The following RNF111 variants were observed in gnomAD, a reference collection of about 807,000 sequenced individuals.
The protein encoded by RNF111 is ring finger protein 111, also known as E3 ubiquitin-protein ligase Arkadia.
RNF111 carries 17 observed loss-of-function variants against 95.1 expected under a neutral mutation model. That is an observed-to-expected ratio of 0.18 (90% CI 0.12 to 0.27). The LOEUF is 0.27. Among genes scored for constraint, RNF111 ranks in the 10% least tolerant of loss-of-function variants. The pLI, the probability that RNF111 is intolerant of heterozygous loss-of-function variation, is 1.00. For missense variants in RNF111, 1,189 were observed against 1,210.4 expected (o/e 0.98, Z 0.26); for synonymous variants, 440 against 414.8 (o/e 1.06, Z -0.74).
chr15:59,058,751 GTAT>G, intron 5 of RNF111: 1 of 532,690 alleles, frequency 1.9e-6, no homozygotes, highest in Non-Finnish European at 3.3e-6. Flanking sequence ...TGTAACCAGA[GTAT>G]TATAGCTCAA....
intron 1 of RNF111, among the ~76,000 whole-genome samples, chr15:59,000,017 A>C (rs79526707): frequency 0.063 from 9,553 of 152,208 alleles, 275 homozygotes; most frequent in Middle Eastern, 0.078. Flanking sequence ...AGTCACCTCC[A>C]GGCAGGCCCC....
intron 1 of RNF111, among the ~76,000 whole-genome samples, chr15:59,017,894 A>G (rs2040146618): frequency 6.6e-6 from 1 of 151,294 alleles, no homozygotes; most frequent in African/African-American, 2.4e-5. Flanking sequence ...AGTAGCTGGG[A>G]TTACAGGCGC....
Position 58,998,841 on chromosome 15 carries a change from T to C in RNF111, c.-20+10773T>C, listed in dbSNP as rs1596032111. Among the ~76,000 whole-genome samples, 3 of 152,358 alleles carry C rather than the reference T, an allele frequency of 2.0e-5. No homozygotes were observed. The East Asian group carries it at 5.8e-4, about 29-fold the overall frequency. ...CAAAATTTATTTTTTTACTGTTACA[T>C]AATGAAATGTGTCATGTTTGAAAGA... On this transcript the variant is annotated intron_variant, in intron 1 of 13. Coordinates refer to ENST00000348370, the MANE Select transcript of RNF111 (RefSeq NM_017610.8).
intron 2 of RNF111, among the ~76,000 whole-genome samples, chr15:59,035,069 C>T (rs1314167867): frequency 6.6e-6 from 1 of 152,140 alleles, no homozygotes; most frequent in Non-Finnish European, 1.5e-5. Context: ...TCTTACATGG[C>T]AGCAGGCAAG....
At chr15:58,990,162 C>T (rs1219012404) in intron 1 of RNF111, among the ~76,000 whole-genome samples, 17 of 152,132 alleles carry the variant, frequency 1.1e-4, no homozygotes. Flanking sequence ...ATTGTTAACC[C>T]TCCTTGGGCT....
chr15:59,055,705 C>G lies in RNF111; in HGVS notation c.1031C>G (p.Ser344Cys). ...AGGTCTCGTTCAACCCTTGGACACT[C>G]CAGATCTCATTGGAGCCAGGGTTCC... is the stretch of plus-strand genomic sequence containing the variant. ...SYRSRSTLGH[S>C]RSHWSQGSSS... Residue 344 changes from serine to cysteine, a missense_variant, in exon 4 of 14, where the codon TCC (serine) becomes TGC (cysteine). Ser to Cys is a moderately radical substitution (Grantham distance 112). This residue lies in a region of RNF111 where 1,024 missense variants were observed against 925.9 expected (regional missense o/e 1.11). Coordinates refer to ENST00000348370, the MANE Select transcript of RNF111 (RefSeq NM_017610.8). 1 of 1,613,780 alleles carries G rather than the reference C, an allele frequency of 6.2e-7. No individual in the cohort carries two copies. Among genetic ancestry groups the G allele is most frequent in the South Asian group, 1.1e-5 (1 of 91,060 alleles).
At chr15:59,090,912 C>A in intron 11 of RNF111, 147 bp from the exon 12 acceptor site, 1 of 500,398 alleles carries the variant, frequency 2.0e-6, no homozygotes, top group Non-Finnish European at 3.6e-6. Flanking sequence ...ATATAAGTAA[C>A]CACTTGTCAT....
rs370533517 is a variant in RNF111 at position 59,096,040 on chromosome 15, C to G, written c.*1140C>G. 9.0e-5 allele frequency: 36 copies of G among 398,664 alleles called. No homozygotes were observed. The highest frequency in any genetic ancestry group is 4.3e-4 in the East Asian group (12 of 27,970). The allele number at this position is 398,664 out of a possible 1,614,324, so 24.7% of individuals were successfully genotyped here. A position where few individuals can be genotyped will look rare whatever the true frequency, so the allele number is the denominator to read the frequency against. ...GTGAGGCACAAATTATACTGTCAAC[C>G]TACTGTTGCTATGGTTATATACTCC... On this transcript the variant is annotated 3_prime_UTR_variant, in exon 14 of 14. Transcript: ENST00000348370.
chr15:59,020,837 G>T (rs2040303442), intron 1 of RNF111, among the ~76,000 whole-genome samples: 1 of 152,188 alleles, frequency 6.6e-6, no homozygotes, highest in South Asian at 2.1e-4. Flanking sequence ...TTATGCTAAA[G>T]AAATTTGGTT....
At chr15:59,034,622 A>C (rs1439241958) in intron 2 of RNF111, among the ~76,000 whole-genome samples, 2 of 152,236 alleles carry the variant, frequency 1.3e-5, no homozygotes, top group African/African-American at 4.8e-5. Context: ...AATGAGACTT[A>C]GCTCTATTAT....
intron 1 of RNF111, among the ~76,000 whole-genome samples, chr15:59,026,029 C>T (rs149580992): frequency 0.011 from 1,625 of 151,246 alleles, 85 homozygotes; most frequent in Admixed American, 0.099. Flanking sequence ...TGTGCCCGGC[C>T]GGCTTTTTTT....
rs202216234 is a variant in RNF111, at chr15:59,058,373, A to G, written c.1189A>G (p.Thr397Ala). The stretch of plus-strand genomic sequence containing the variant: ...TTTTGTAGAACCTACTGTAGTACCA[A>G]CCACTTCTGCAAGAATGGAATCACA... ...VDEDEPTVVPTTSARMESQAT... is the reference protein window; with the variant it reads ...VDEDEPTVVPATSARMESQAT... Residue 397 changes from threonine (T) to alanine (A), a missense_variant, in exon 5 of 14, where the codon ACC (threonine) becomes GCC (alanine). Physicochemically the swap from Thr to Ala is moderately conservative, Grantham distance 58 (BLOSUM62 0). Around this residue, in one of 2 missense-constraint regions of RNF111, gnomAD observed 1,024 missense variants for 925.9 expected, o/e 1.11. Coordinates refer to ENST00000348370, the MANE Select transcript of RNF111 (RefSeq NM_017610.8). 8.7e-6 allele frequency: 14 copies of G among 1,614,040 alleles called. No homozygotes were observed. In the East Asian group the frequency reaches 1.3e-4, roughly 15 times the overall value.
intron 1 of RNF111, among the ~76,000 whole-genome samples, chr15:59,026,318 C>G (rs1240651508): frequency 6.6e-6 from 1 of 151,712 alleles, no homozygotes; most frequent in Non-Finnish European, 1.5e-5. Context: ...ATCGTATTTT[C>G]TTAGTGCAAG....
Position 59,066,780 on chromosome 15 carries a change from T to C in RNF111, c.1383T>C (p.Thr461=). Residue 461 remains threonine (T), a synonymous_variant, in exon 6 of 14, where the codon ACT becomes ACC. Transcript: ENST00000348370. The stretch of plus-strand genomic sequence containing the variant: ...TGTTTCAAGATGACTCAAGGAGAAC[T>C]ACATCTAGTGCTGTAACGGAAACTG... ...GTSIGDDSRR[T]TSSAVTETGP... is the part of the protein sequence containing the mutation. 1.2e-6 allele frequency: 2 copies of C among 1,613,650 alleles called. No homozygotes were observed. Among genetic ancestry groups the C allele is most frequent in the East Asian group, 2.2e-5 (1 of 44,882 alleles).
At chr15:59,024,837 C>G (rs1049744970) in intron 1 of RNF111, among the ~76,000 whole-genome samples, 27 of 152,234 alleles carry the variant, frequency 1.8e-4, no homozygotes, top group African/African-American at 6.3e-4. Context: ...CTATTCTCCC[C>G]CTCCCTCAGG....
In RNF111 at chr15:59,031,361, G is replaced by C; in HGVS notation, c.539G>C (p.Arg180Pro). The change falls in exon 2 of 14, where the codon CGG (arginine) becomes CCG (proline). Residue 180 changes from arginine to proline, a missense_variant. Physicochemically the swap from Arg to Pro is moderately radical, Grantham distance 103 (BLOSUM62 -2). This residue lies in a region of RNF111 where 1,024 missense variants were observed against 925.9 expected (regional missense o/e 1.11). Coordinates refer to ENST00000348370, the MANE Select transcript of RNF111 (RefSeq NM_017610.8). Reference protein sequence around the residue: ...LNAKSRSHSARSHKWPRTETE... With the variant: ...LNAKSRSHSAPSHKWPRTETE... ...GCTAAAAGTAGAAGCCATAGTGCAC[G>C]GTCTCATAAGTGGCCTCGGACTGAG... 1 of 1,614,098 alleles carries C rather than the reference G, an allele frequency of 6.2e-7. No homozygotes were observed. The highest frequency in any genetic ancestry group is 1.1e-5 in the South Asian group (1 of 91,070).
At chr15:59,008,868 G>T (rs757120601) in intron 1 of RNF111, among the ~76,000 whole-genome samples, 1 of 152,110 alleles carries the variant, frequency 6.6e-6, no homozygotes, top group Admixed American at 6.5e-5. Flanking sequence ...AATAATAGAC[G>T]GTTGTATGTA....
intron 1 of RNF111, among the ~76,000 whole-genome samples, chr15:58,991,368 G>A (rs1198832395): frequency 2.0e-5 from 3 of 152,224 alleles, no homozygotes; most frequent in South Asian, 2.1e-4. Context: ...GCATTATTAC[G>A]TAGATACATT....
chr15:59,052,354 G>C lies in RNF111; in HGVS notation c.930G>C (p.Gln310His), dbSNP rs1215808257. 6 of 1,606,610 alleles carry C rather than the reference G, an allele frequency of 3.7e-6. No individual in the cohort carries two copies. The highest frequency in any genetic ancestry group is 3.4e-5 in the Admixed American group (2 of 58,538). Reference sequence around the variant, plus strand: ...TGATAGAAGCTTCCTCCACTCCCCAGGTTACTGCCAATGAAGAAATTAATG... The same window carrying C: ...TGATAGAAGCTTCCTCCACTCCCCACGTTACTGCCAATGAAGAAATTAATG... ...VVVIEASSTPQVTANEEINVT... is the reference protein window; with the variant it reads ...VVVIEASSTPHVTANEEINVT... The change falls in exon 3 of 14, where the codon CAG becomes CAC. Residue 310 changes from glutamine (Q) to histidine (H), a missense_variant. By Grantham distance (24) the Gln-to-His change is conservative (BLOSUM62 0). Transcript: ENST00000348370.
Sources: gnomAD v4.1 joint callset for allele counts (sites outside exome capture counted in the v4.1 genomes callset) on GRCh38, gnomAD v4.1.1 for gene constraint, gnomAD v4.1.1 regional missense constraint, MANE v1.5 for transcripts, NCBI Gene and HGNC (gene_info 2026-07-23, HGNC 2026-07-21) for gene names.